ZFP1: variants seen among roughly 807,000 people sequenced by gnomAD.
ZFP1 encodes zinc finger protein 1 homolog.
Under a neutral mutation model 38.5 loss-of-function variants are expected in ZFP1, and 32 were observed. The ratio of observed to expected loss-of-function variants is 0.83; its 90% CI spans 0.63 to 1.12. The LOEUF (loss-of-function observed/expected upper bound fraction) is 1.12. Ranked by LOEUF, ZFP1 falls within the 50% of genes most tolerant of loss-of-function variation. ZFP1 has a pLI of 0.00. For missense variants in ZFP1, 616 were observed against 480.8 expected (o/e 1.28, Z -2.63); for synonymous variants, 245 against 168.8 (o/e 1.45, Z -3.50).
chr16:75,125,515 G>A, the ZFP1 span, among the ~76,000 whole-genome samples: 1 of 151,882 alleles, frequency 6.6e-6, no homozygotes, highest in African/African-American at 2.4e-5. Context: ...GTAGAGACAG[G>A]GTTTCACCAT....
intron 3 of ZFP1, among the ~76,000 whole-genome samples, chr16:75,167,682 G>A (rs562222001): frequency 5.9e-5 from 9 of 152,208 alleles, no homozygotes; most frequent in South Asian, 4.1e-4. Flanking sequence ...GCACTGTAGC[G>A]TCCACCTCCT....
At chr16:75,142,494 T>C in the ZFP1 span, among the ~76,000 whole-genome samples, 4 of 152,200 alleles carry the variant, frequency 2.6e-5, no homozygotes, top group Admixed American at 1.3e-4. Context: ...ACTAGTTTAA[T>C]CTACTGTTGT....
intron 2 of ZFP1, among the ~76,000 whole-genome samples, chr16:75,156,368 A>T (rs1021877492): frequency 1.3e-5 from 2 of 152,172 alleles, no homozygotes; most frequent in African/African-American, 2.4e-5. Flanking sequence ...AAGGCAGGAG[A>T]ATCGCTTGAA....
intron 2 of ZFP1, 118 bp from the exon 3 acceptor site, chr16:75,166,652 C>G (rs1312728463): frequency 1.3e-6 from 2 of 1,549,960 alleles, no homozygotes; most frequent in East Asian, 2.3e-5. Flanking sequence ...AAACAGTGAA[C>G]AAGATGTATC....
At chr16:75,130,243 C>T in the ZFP1 span, among the ~76,000 whole-genome samples, 47,595 of 151,918 alleles carry the variant, frequency 0.31, 7,675 homozygotes, top group Non-Finnish European at 0.34. Flanking sequence ...TCCAGTGATC[C>T]GCCTGCCTCA....
chr16:75,166,545 T>G (rs2038092683), intron 2 of ZFP1: 1 of 985,098 alleles, frequency 1.0e-6, no homozygotes, highest in African/African-American at 1.7e-5. Context: ...GTTTTATTAA[T>G]CTGAGACACC....
intron 2 of ZFP1, among the ~76,000 whole-genome samples, chr16:75,154,030 A>G (rs978307491): frequency 6.6e-6 from 1 of 152,224 alleles, no homozygotes; most frequent in Non-Finnish European, 1.5e-5. Flanking sequence ...AATGCTGGCC[A>G]ACACGGTGAA....
intron 3 of ZFP1, among the ~76,000 whole-genome samples, chr16:75,168,602 G>A (rs112994480): frequency 6.6e-6 from 1 of 152,044 alleles, no homozygotes; most frequent in Non-Finnish European, 1.5e-5. Flanking sequence ...TAAGGGTTGT[G>A]TATCTCTTAG....
intron 1 of ZFP1, among the ~76,000 whole-genome samples, chr16:75,151,774 T>TGA (rs139551864): frequency 1.8e-5 from 1 of 54,136 alleles, no homozygotes; most frequent in Non-Finnish European, 6.4e-5. Flanking sequence ...TTAACGATTC[T>TGA]CGAGATTTTC....
chr16:75,131,681 T>C, the ZFP1 span, among the ~76,000 whole-genome samples: 4 of 151,982 alleles, frequency 2.6e-5, no homozygotes, highest in Non-Finnish European at 5.9e-5. Context: ...ATGTCTATCT[T>C]GTCCAGGCAC....
the ZFP1 span, among the ~76,000 whole-genome samples, chr16:75,135,209 C>CAAAAAAAAA: frequency 0.026 from 388 of 14,946 alleles, 129 homozygotes; most frequent in African/African-American, 0.072. Flanking sequence ...GACCTTATCT[C>CAAAAAAAAA]AAAAAAAAAA....
intron 2 of ZFP1, among the ~76,000 whole-genome samples, chr16:75,165,619 A>G (rs3851732): frequency 0.79 from 119,729 of 152,098 alleles, 48,191 homozygotes; most frequent in Non-Finnish European, 0.87. Flanking sequence ...GGTCCCGAAC[A>G]CCTGTGATCC....
At chr16:75,148,157 G>C (rs530042077), upstream of ZFP1, among the ~76,000 whole-genome samples, 1 of 152,298 alleles carries the variant, frequency 6.6e-6, no homozygotes, top group South Asian at 2.1e-4. Flanking sequence ...GTTATACGCA[G>C]TTAATCTTTA....
At chr16:75,147,853 T>A (rs1323806062), upstream of ZFP1, among the ~76,000 whole-genome samples, 2 of 152,222 alleles carry the variant, frequency 1.3e-5, no homozygotes, top group South Asian at 2.1e-4. Flanking sequence ...TGCACAGCTA[T>A]GTGACGATAG....
chr16:75,138,327 G>T, the ZFP1 span, among the ~76,000 whole-genome samples: 1 of 152,136 alleles, frequency 6.6e-6, no homozygotes, highest in Non-Finnish European at 1.5e-5. Flanking sequence ...GAGCCACCGC[G>T]CACAGCCAAC....
intron 2 of ZFP1, 112 bp from the exon 3 acceptor site, chr16:75,166,658 G>T: frequency 6.4e-7 from 1 of 1,565,986 alleles, no homozygotes; most frequent in Non-Finnish European, 8.6e-7. Flanking sequence ...TGAACAAGAT[G>T]TATCGTTGGT....
chr16:75,119,746 C>T, the ZFP1 span, among the ~76,000 whole-genome samples: 1 of 152,026 alleles, frequency 6.6e-6, no homozygotes, highest in Non-Finnish European at 1.5e-5. Context: ...GTTGTTCTTT[C>T]AGTCTTTTTC....
chr16:75,167,023 GA>G, intron 3 of ZFP1, 127 bp downstream of exon 3: 1 of 1,485,676 alleles, frequency 6.7e-7, no homozygotes, highest in Non-Finnish European at 9.0e-7. Context: ...TTAAACCTGA[GA>G]GATCTTGCAG....
the ZFP1 span, among the ~76,000 whole-genome samples, chr16:75,120,767 TTTTG>T: frequency 0.16 from 24,632 of 149,912 alleles, 2,560 homozygotes; most frequent in East Asian, 0.53. Context: ...CCAGCTTGTT[TTTTG>T]TTTGTTTGTT....
Sources: allele counts gnomAD v4.1 joint callset (sites outside exome capture counted in the v4.1 genomes callset), GRCh38; gene constraint gnomAD v4.1.1; transcripts MANE v1.5; gene names NCBI Gene and HGNC (gene_info 2026-07-23, HGNC 2026-07-21).